Variants in TMEM117 observed in about 807,000 individuals in gnomAD.
TMEM117 encodes transmembrane protein 117.
In TMEM117, 27 loss-of-function variants were observed where a neutral mutation model predicts 52.4. The observed-to-expected ratio is 0.51, with a 90% CI of 0.38 to 0.71. The LOEUF is 0.71. Ranked by LOEUF, TMEM117 falls within the 30% of genes least tolerant of loss-of-function variation. TMEM117 has a pLI of 0.00. For missense variants in TMEM117, 556 were observed against 630.5 expected, an observed-to-expected ratio of 0.88 and a Z score of 1.26; for synonymous variants, 215 against 206.3, an observed-to-expected ratio of 1.04 and a Z score of -0.36.
At chr12:43,869,235 G>A (rs1347664515) in intron 2 of TMEM117, among the ~76,000 whole-genome samples, 1 of 146,736 alleles carries the variant, frequency 6.8e-6, no homozygotes, top group East Asian at 1.9e-4. Context: ...GGCATAAATG[G>A]TTCCCTTTTT....
At chr12:44,128,585 T>C (rs1948364864) in intron 3 of TMEM117, among the ~76,000 whole-genome samples, 1 of 152,188 alleles carries the variant, frequency 6.6e-6, no homozygotes. Context: ...CCATTGCAGA[T>C]GGCTGGGAGG....
intron 2 of TMEM117, among the ~76,000 whole-genome samples, chr12:43,853,720 A>G (rs1049461770): frequency 4.6e-5 from 7 of 152,234 alleles, no homozygotes; most frequent in African/African-American, 1.7e-4. Context: ...ACTCTTGATG[A>G]TACAAGAAAA....
intron 2 of TMEM117, among the ~76,000 whole-genome samples, chr12:43,858,082 A>G (rs1943430524): frequency 6.6e-6 from 1 of 152,216 alleles, no homozygotes. Context: ...CCTTGACACT[A>G]TATCTGATTT....
intron 3 of TMEM117, among the ~76,000 whole-genome samples, chr12:43,970,418 A>G (rs1945562973): frequency 6.6e-6 from 1 of 151,876 alleles, no homozygotes; most frequent in Admixed American, 6.6e-5. Flanking sequence ...CCTCCTGAGT[A>G]GCTGGGACTA....
At chr12:44,037,860 G>A (rs1565802344) in intron 3 of TMEM117, among the ~76,000 whole-genome samples, 1 of 151,866 alleles carries the variant, frequency 6.6e-6, no homozygotes, top group Non-Finnish European at 1.5e-5. Context: ...CCTCTCTGCT[G>A]AGAGAGGAGC....
At chr12:43,945,450 AG>A (rs112923659) in intron 3 of TMEM117, among the ~76,000 whole-genome samples, 3,308 of 152,130 alleles carry the variant, frequency 0.022, 115 homozygotes, top group East Asian at 0.2. Flanking sequence ...CCTCCCTAGT[AG>A]CTGAGATTAT....
At chr12:43,868,099 C>CAT (rs1943636662) in intron 2 of TMEM117, among the ~76,000 whole-genome samples, 1 of 64,154 alleles carries the variant, frequency 1.6e-5, no homozygotes, top group Non-Finnish European at 5.0e-5. Context: ...ATCAAATATA[C>CAT]ACACACACAC....
At chr12:44,212,945 A>G (rs931733751) in intron 5 of TMEM117, among the ~76,000 whole-genome samples, 2 of 152,180 alleles carry the variant, frequency 1.3e-5, no homozygotes, top group Admixed American at 1.3e-4. Context: ...CTTAACAGGT[A>G]AACAAAAGTG....
intron 2 of TMEM117, among the ~76,000 whole-genome samples, chr12:43,908,831 A>C (rs1592353285): frequency 1.3e-5 from 2 of 149,726 alleles, no homozygotes; most frequent in African/African-American, 4.9e-5. Context: ...ATACAGGAGC[A>C]CCCAGATTCA....
At chr12:44,285,050 G>T (rs1950621839) in intron 5 of TMEM117, among the ~76,000 whole-genome samples, 1 of 152,170 alleles carries the variant, frequency 6.6e-6, no homozygotes, top group South Asian at 2.1e-4. Flanking sequence ...CATAGTTGCA[G>T]TGGCTGGGCA....
the TMEM117 span, among the ~76,000 whole-genome samples, chr12:43,796,570 A>C: frequency 7.9e-5 from 12 of 152,110 alleles, no homozygotes; most frequent in African/African-American, 2.9e-4. Flanking sequence ...ATTCCTTATT[A>C]ATATGCAGTA....
intron 3 of TMEM117, among the ~76,000 whole-genome samples, chr12:44,124,948 CTT>C (rs1214276690): frequency 6.6e-6 from 1 of 152,132 alleles, no homozygotes; most frequent in African/African-American, 2.4e-5. Flanking sequence ...GGAGCCCCTC[CTT>C]TTCAAATTTT....
At chr12:44,197,793 A>G (rs764505181) in intron 4 of TMEM117, among the ~76,000 whole-genome samples, 1 of 152,194 alleles carries the variant, frequency 6.6e-6, no homozygotes, top group Non-Finnish European at 1.5e-5. Context: ...TTACTTAATA[A>G]TAAAACAGTC....
intron 3 of TMEM117, among the ~76,000 whole-genome samples, chr12:44,106,729 A>G (rs1268082963): frequency 3.6e-5 from 2 of 56,166 alleles, no homozygotes. Flanking sequence ...TCTTCTATAG[A>G]TTACATAATC....
intron 2 of TMEM117, among the ~76,000 whole-genome samples, chr12:43,861,877 G>A (rs1943496045): frequency 6.6e-6 from 1 of 152,104 alleles, no homozygotes; most frequent in African/African-American, 2.4e-5. Context: ...ATTGTGGTCG[G>A]TCATTCCTGC....
At chr12:44,385,332 T>G (rs1484908919) in intron 7 of TMEM117, among the ~76,000 whole-genome samples, 1 of 152,154 alleles carries the variant, frequency 6.6e-6, no homozygotes, top group African/African-American at 2.4e-5. Context: ...AAGTGATCCT[T>G]GGGTGTGCAA....
chr12:44,170,432 T>TTAAAG (rs537862326), intron 4 of TMEM117, among the ~76,000 whole-genome samples: 1,745 of 152,242 alleles, frequency 0.011, 20 homozygotes, highest in South Asian at 0.051. Flanking sequence ...ACCCTAGAAC[T>TTAAAG]TAAAGTAAAA....
rs566768559 is a variant in TMEM117, at chr12:44,173,733, G to T, written c.510+30109G>T. Among the ~76,000 whole-genome samples, 3 of 151,856 alleles carry T rather than the reference G, an allele frequency of 2.0e-5. No homozygotes were observed. The East Asian group carries it at 5.8e-4, about 29-fold the overall frequency. On this transcript the variant is annotated intron_variant, in intron 4 of 7. Coordinates refer to ENST00000266534, the MANE Select transcript of TMEM117 (RefSeq NM_032256.3). ...AAATACTTACTTTCATAAAATATTT[G>T]ATTGCAATATTATGTATTTTAGTTT...
chr12:43,975,548 A>G (rs1281438376), intron 3 of TMEM117, among the ~76,000 whole-genome samples: 1 of 152,224 alleles, frequency 6.6e-6, no homozygotes, highest in African/African-American at 2.4e-5. Context: ...CATGTCAGGC[A>G]GAGTCAGAAT....
Sources: allele counts gnomAD v4.1 joint callset (sites outside exome capture counted in the v4.1 genomes callset), GRCh38; gene constraint gnomAD v4.1.1; transcripts MANE v1.5; gene names NCBI Gene and HGNC (gene_info 2026-07-23, HGNC 2026-07-21).